DSE: variants seen among roughly 807,000 people sequenced by gnomAD.
DSE encodes the protein dermatan-sulfate epimerase.
DSE carries 36 observed loss-of-function variants against 84.4 expected under a neutral mutation model. The observed-to-expected ratio is 0.43, with a 90% confidence interval of 0.33 to 0.56. The LOEUF (loss-of-function observed/expected upper bound fraction) is 0.56, where lower values mean the gene tolerates loss of function less well. Among genes scored for constraint, DSE ranks in the 20% least tolerant of loss-of-function variants. The pLI, the probability that DSE is intolerant of heterozygous loss-of-function variation, is 0.06. For missense variants in DSE, 862 were observed against 1,169.6 expected, an observed-to-expected ratio of 0.74 and a Z score of 3.84; for synonymous variants, 410 against 430.1, an observed-to-expected ratio of 0.95 and a Z score of 0.58.
intron 4 of DSE, chr6:116,433,008 C>A: frequency 4.0e-6 from 1 of 247,766 alleles, no homozygotes. Flanking sequence ...CCAAACTGCA[C>A]AAGAGGATGT....
intron 2 of DSE, among the ~76,000 whole-genome samples, chr6:116,265,271 C>T (rs1387636888): frequency 6.6e-6 from 1 of 152,048 alleles, no homozygotes; most frequent in Non-Finnish European, 1.5e-5. Flanking sequence ...GTCTGGGTGC[C>T]TTTTCTGTGC....
intron 2 of DSE, among the ~76,000 whole-genome samples, chr6:116,319,814 A>G (rs922178615): frequency 2.0e-5 from 3 of 152,114 alleles, no homozygotes; most frequent in Non-Finnish European, 4.4e-5. Flanking sequence ...AACTCATCCA[A>G]CATGTTGTTT....
At chr6:116,364,219 A>T (rs190434563) in intron 2 of DSE, among the ~76,000 whole-genome samples, 1 of 152,304 alleles carries the variant, frequency 6.6e-6, no homozygotes, top group East Asian at 1.9e-4. Flanking sequence ...ACATTTTTTT[A>T]AAATGGCAGT....
Position 116,436,349 on chromosome 6 carries a change from A to G in DSE, c.1881A>G (p.Lys627=). 6.2e-7 allele frequency: 1 copy of G among 1,614,208 alleles called. No individual in the cohort carries two copies. The highest frequency in any genetic ancestry group is 2.2e-5 in the East Asian group (1 of 44,894). The change falls in exon 6 of 6, where the codon AAA becomes AAG. Residue 627 remains lysine (K), a synonymous_variant. Transcript: ENST00000644252. Reference sequence around the variant, plus strand: ...TGGACGATACTGGCTACAGCGAGAAAGCAACCTTTGCCTCAGTGACATATC... The same window carrying G: ...TGGACGATACTGGCTACAGCGAGAAGGCAACCTTTGCCTCAGTGACATATC... ...YWMDDTGYSE[K]ATFASVTYPR...
At chr6:116,419,991 T>C (rs1476760730) in intron 2 of DSE, among the ~76,000 whole-genome samples, 1 of 152,168 alleles carries the variant, frequency 6.6e-6, no homozygotes, top group Admixed American at 6.5e-5. Context: ...GTGGATCAAA[T>C]TGTGATCTTT....
chr6:116,328,254 T>C (rs1776742405), intron 2 of DSE, among the ~76,000 whole-genome samples: 1 of 152,244 alleles, frequency 6.6e-6, no homozygotes, highest in African/African-American at 2.4e-5. Flanking sequence ...TCAATGCTGT[T>C]TTTTCCAGTT....
At chr6:116,371,694 C>T (rs1414901706) in intron 1 of DSE, among the ~76,000 whole-genome samples, 1 of 152,204 alleles carries the variant, frequency 6.6e-6, no homozygotes, top group Non-Finnish European at 1.5e-5. Flanking sequence ...TCCTGGGCTC[C>T]GCCGGCACTC....
In DSE at chr6:116,435,959, C is replaced by CTGGG; in HGVS notation, c.1497_1500dup (p.Gln501GlyfsTer13). 6.2e-7 allele frequency: 1 copy of CTGGG among 1,614,114 alleles called. No homozygotes were observed. The highest frequency in any genetic ancestry group is 8.5e-7 in the Non-Finnish European group (1 of 1,179,998). On this transcript the variant is annotated frameshift_variant, in exon 6 of 6. Coordinates refer to ENST00000644252, the MANE Select transcript of DSE (RefSeq NM_013352.4). LOFTEE classifies it high-confidence loss of function. ...CTGTGTCAAAGAGCTGCTTTTCTCCCTGGGTGGGTCAGGTCACAGAAGACT... is the reference window on the plus strand; with the variant it reads ...CTGTGTCAAAGAGCTGCTTTTCTCCCTGGGTGGGTGGGTCAGGTCACAGAAGACT...
intron 1 of DSE, among the ~76,000 whole-genome samples, chr6:116,380,246 T>C (rs2114942988): frequency 6.6e-6 from 1 of 152,198 alleles, no homozygotes; most frequent in South Asian, 2.1e-4. Context: ...CAGGTACTTC[T>C]GTGTTTGAGG....
chr6:116,351,320 G>A (rs1397536401), intron 2 of DSE, among the ~76,000 whole-genome samples: 1 of 152,134 alleles, frequency 6.6e-6, no homozygotes, highest in Non-Finnish European at 1.5e-5. Context: ...AGTAACCCTT[G>A]CTGGTACCTG....
At chr6:116,288,268 A>G (rs1297904259) in intron 2 of DSE, 2 of 152,132 alleles carry the variant, frequency 1.3e-5, no homozygotes, top group Non-Finnish European at 2.9e-5. Flanking sequence ...TAAGATATAT[A>G]TAAAGTGTAC....
intron 1 of DSE, among the ~76,000 whole-genome samples, chr6:116,392,748 T>C (rs534526414): frequency 2.0e-5 from 3 of 152,346 alleles, no homozygotes; most frequent in Admixed American, 1.3e-4. Context: ...TCTGATTCTT[T>C]ACTTGTTCAC....
intron 2 of DSE, among the ~76,000 whole-genome samples, chr6:116,299,326 G>A (rs540242296): frequency 6.6e-6 from 1 of 151,860 alleles, no homozygotes; most frequent in South Asian, 2.1e-4. Flanking sequence ...AGGACTGAAT[G>A]TTGAAGAACA....
intron 2 of DSE, among the ~76,000 whole-genome samples, chr6:116,358,989 G>T (rs1778734481): frequency 6.6e-6 from 1 of 152,132 alleles, no homozygotes; most frequent in Non-Finnish European, 1.5e-5. Context: ...AGTAACCTCA[G>T]TGCAATGTTT....
chr6:116,388,316 G>A (rs1031295902), intron 1 of DSE, among the ~76,000 whole-genome samples: 37 of 152,296 alleles, frequency 2.4e-4, no homozygotes, highest in African/African-American at 7.5e-4. Context: ...GTTAGGCCGA[G>A]AGAAAATCTT....
rs986929472 is a variant in DSE at position 116,383,108 on chromosome 6, T to C, written c.-54+11987T>C. ...GTTGTTATTGAAAGACTCAGTTGTT[T>C]CATAAAATCTGTAATTTGGAAGGAT... is the stretch of plus-strand genomic sequence containing the variant. On this transcript the variant is annotated intron_variant, in intron 1 of 5. Transcript: ENST00000644252. 5.3e-5 allele frequency among the ~76,000 whole-genome samples: 8 copies of C among 152,184 alleles called. No homozygotes were observed. In the East Asian group the frequency reaches 1.3e-3, roughly 26 times the overall value.
At chr6:116,342,299 A>C (rs1344775994) in intron 2 of DSE, among the ~76,000 whole-genome samples, 1 of 104,586 alleles carries the variant, frequency 9.6e-6, no homozygotes, top group Non-Finnish European at 1.8e-5. Context: ...TTTTTTTTCG[A>C]GATGGAGTCT....
exon 2 of DSE, chr6:116,258,898 G>C (rs1471060788): frequency 1.9e-6 from 3 of 1,596,692 alleles, no homozygotes; most frequent in Non-Finnish European, 2.6e-6. Flanking sequence ...CATGGAGTTA[G>C]TAAGGCGCTC....
intron 2 of DSE, among the ~76,000 whole-genome samples, chr6:116,413,878 C>T (rs1055657002): frequency 1.3e-5 from 2 of 152,162 alleles, no homozygotes; most frequent in Non-Finnish European, 2.9e-5. Context: ...GATTTGACTA[C>T]GGTTTTTCCC....
Sources: gnomAD v4.1 joint callset for allele counts (sites outside exome capture counted in the v4.1 genomes callset) on GRCh38, gnomAD v4.1.1 for gene constraint, MANE v1.5 for transcripts, NCBI Gene and HGNC (gene_info 2026-07-23, HGNC 2026-07-21) for gene names.